TSEN2: variants seen among roughly 807,000 people sequenced by gnomAD.
TSEN2 encodes tRNA-splicing endonuclease subunit Sen2.
In TSEN2, 54 loss-of-function variants were observed where a neutral mutation model predicts 59.2. The ratio of observed to expected loss-of-function variants is 0.91; its 90% CI spans 0.73 to 1.14. The LOEUF is 1.14. Among genes scored for constraint, TSEN2 ranks in the 50% most tolerant of loss-of-function variants. The pLI, the probability that TSEN2 is intolerant of heterozygous loss-of-function variation, is 0.00. For synonymous variants in TSEN2, 195 were observed against 198.2 expected, an observed-to-expected ratio of 0.98 and a Z score of 0.14; for missense variants, 636 against 576.2, an observed-to-expected ratio of 1.10 and a Z score of -1.06.
intron 4 of TSEN2, among the ~76,000 whole-genome samples, chr3:12,498,406 G>A (rs188162214): frequency 2.0e-5 from 3 of 152,196 alleles, no homozygotes; most frequent in Admixed American, 1.3e-4. Flanking sequence ...CTTCCTCAGC[G>A]CTCTTGATAT....
intron 8 of TSEN2, among the ~76,000 whole-genome samples, chr3:12,526,562 G>A (rs557633416): frequency 8.5e-5 from 13 of 152,290 alleles, no homozygotes; most frequent in African/African-American, 2.6e-4. Context: ...ACACAACAAC[G>A]AAATTGCCTA....
chr3:12,533,254 G>A lies in TSEN2; in HGVS notation c.*533G>A, dbSNP rs1267672235. 5 of 156,422 alleles carry A rather than the reference G, an allele frequency of 3.2e-5. No homozygotes were observed. Among genetic ancestry groups the A allele is most frequent in the African/African-American group, 1.2e-4 (5 of 41,478 alleles). The allele number at this position is 156,422 out of a possible 1,614,324, so 9.7% of individuals were successfully genotyped here. The stretch of plus-strand genomic sequence containing the variant: ...AATGAGTGGTGAAATAATGTTTGGA[G>A]ACATAATGAAAGCGATTAACATTTG... On this transcript the variant is annotated 3_prime_UTR_variant, in exon 12 of 12. Transcript: ENST00000284995.
chr3:12,529,830 A>C lies in TSEN2; in HGVS notation c.1205A>C (p.Lys402Thr), dbSNP rs1416745637. 2 of 1,614,184 alleles carry C rather than the reference A, an allele frequency of 1.2e-6. No individual in the cohort carries two copies. Among genetic ancestry groups the C allele is most frequent in the East Asian group, 2.2e-5 (1 of 44,880 alleles). ...TCTCTCCGCAGGCCTCTCAGTTGGAAGTCCCTGGCTGCCTTGAGCAGAGTT... is the reference window on the plus strand; with the variant it reads ...TCTCTCCGCAGGCCTCTCAGTTGGACGTCCCTGGCTGCCTTGAGCAGAGTT... ...EGSLRRPLSW[K>T]SLAALSRVSV... Residue 402 changes from lysine (K) to threonine (T), a missense_variant, in exon 10 of 12, where the codon AAG (lysine) becomes ACG (threonine). By Grantham distance (78) the Lys-to-Thr change is moderately conservative. Transcript: ENST00000284995.
Position 12,519,115 on chromosome 3 carries a change from C to T in TSEN2, c.1017C>T (p.Phe339=). ...WKAFTVVQPT[F]RTTYMAYHYF... ...CTTTCACTGTAGTTCAGCCCACGTTCAGAACCACCTACATGGCCTACCATT... is the reference window on the plus strand; with the variant it reads ...CTTTCACTGTAGTTCAGCCCACGTTTAGAACCACCTACATGGCCTACCATT... Residue 339 remains phenylalanine, a synonymous_variant, in exon 8 of 12, where the codon TTC becomes TTT. Transcript: ENST00000284995. The T allele has an allele frequency of 2.5e-6, 4 of 1,614,220 alleles. No homozygotes were observed. Among genetic ancestry groups the T allele is most frequent in the Non-Finnish European group, 3.4e-6 (4 of 1,180,044 alleles).
At chr3:12,537,718 G>A (rs1472679432), downstream of TSEN2, among the ~76,000 whole-genome samples, 1 of 152,130 alleles carries the variant, frequency 6.6e-6, no homozygotes, top group Non-Finnish European at 1.5e-5. Context: ...CCCCAGTTTT[G>A]CCACTGTATG....
rs1559303662 is a variant in TSEN2 at position 12,503,247 on chromosome 3, A to AT, written c.309-12dup. The stretch of plus-strand genomic sequence containing the variant: ...AAATTCGAGTGCTGTTTCTAACAGT[A>AT]TTTCTGTCTTGCAGGTATCAGCATA... On this transcript the variant is annotated splice_polypyrimidine_tract_variant and intron_variant, in intron 4 of 11. Coordinates refer to ENST00000284995, the MANE Select transcript of TSEN2 (RefSeq NM_025265.4). 6.2e-7 allele frequency: 1 copy of AT among 1,614,104 alleles called. No individual in the cohort carries two copies. Among genetic ancestry groups the AT allele is most frequent in the East Asian group, 2.2e-5 (1 of 44,882 alleles).
chr3:12,536,846 AC>A (rs1487489083), downstream of TSEN2, among the ~76,000 whole-genome samples: 2 of 152,060 alleles, frequency 1.3e-5, no homozygotes, highest in African/African-American at 4.8e-5. Flanking sequence ...TACTAAAAAT[AC>A]AAAAAATTAG....
chr3:12,489,119 A>G (rs2052951073), intron 1 of TSEN2, among the ~76,000 whole-genome samples: 2 of 152,196 alleles, frequency 1.3e-5, no homozygotes, highest in East Asian at 1.9e-4. Context: ...TTTGCCCAAA[A>G]TCACACTGCT....
intron 6 of TSEN2, chr3:12,506,667 C>G (rs1380394541): frequency 1.0e-6 from 1 of 984,638 alleles, no homozygotes; most frequent in African/African-American, 1.8e-5. Context: ...AACCTGTGGT[C>G]ACTTTATGCT....
At chr3:12,496,600 T>G (rs749381594) in intron 4 of TSEN2, 46 bp downstream of exon 4, 7 of 1,606,186 alleles carry the variant, frequency 4.4e-6, no homozygotes, top group Non-Finnish European at 6.0e-6. Flanking sequence ...ATGGTTTAAG[T>G]CAGATGTTTT....
chr3:12,530,783 GT>G (rs1458043990), intron 10 of TSEN2: 2 of 982,844 alleles, frequency 2.0e-6, no homozygotes, highest in Non-Finnish European at 2.4e-6. Context: ...ACTTAACATT[GT>G]TGATATGTTC....
intron 9 of TSEN2, 49 bp from the exon 10 acceptor site, chr3:12,529,713 C>A: frequency 6.5e-7 from 1 of 1,534,544 alleles, no homozygotes; most frequent in East Asian, 2.3e-5. Flanking sequence ...TCTTTTTAAA[C>A]AGATTTATTT....
intron 8 of TSEN2, among the ~76,000 whole-genome samples, chr3:12,523,526 CTTTTT>C (rs546904336): frequency 0.022 from 1,031 of 46,490 alleles, 30 homozygotes; most frequent in African/African-American, 0.072. Flanking sequence ...CTCTTTGATT[CTTTTT>C]TTTTTTTTTT....
rs139623866 is a variant in TSEN2, at chr3:12,532,543, A to G, written c.1339-119A>G. 743 of 895,304 alleles carry G rather than the reference A, an allele frequency of 8.3e-4. 6 individuals are homozygous for G. In the African/African-American group the frequency reaches 0.011, roughly 13 times the overall value. The allele number at this position is 895,304 out of a possible 1,614,324, so 55.5% of individuals were successfully genotyped here. A position where few individuals can be genotyped will look rare whatever the true frequency, so the allele number is the denominator to read the frequency against. Reference sequence around the variant, plus strand: ...CAGATGTTTCTGTTCTAAAGGTGGGAACAGTATCATCATTATATAGACCGC... The same window carrying G: ...CAGATGTTTCTGTTCTAAAGGTGGGGACAGTATCATCATTATATAGACCGC... On this transcript the variant is annotated intron_variant, in intron 11 of 11. Transcript: ENST00000284995.
Position 12,531,585 on chromosome 3 carries a change from T to A in TSEN2, c.1264T>A (p.Tyr422Asn), listed in dbSNP as rs1297825855. 1 of 1,609,980 alleles carries A rather than the reference T, an allele frequency of 6.2e-7. No homozygotes were observed. Among genetic ancestry groups the A allele is most frequent in the Non-Finnish European group, 8.5e-7 (1 of 1,176,202 alleles). ...TTCTCAATAGGAACTTATGCTGTGC[T>A]ATTTGATTAAACCCTCTACTATGAC... is the stretch of plus-strand genomic sequence containing the variant. ...VNVSKELMLC[Y>N]LIKPSTMTDK... Residue 422 changes from tyrosine (Y) to asparagine (N), a missense_variant, in exon 11 of 12, where the codon TAT becomes AAT. Tyr to Asn is a moderately radical substitution (Grantham distance 143, BLOSUM62 -2). Transcript: ENST00000284995.
At position 12,519,141 on chromosome 3, in the gene TSEN2, ACTTTCGAAGCAAGGGCTGGGT is replaced by A; in HGVS notation, c.1044_1064del (p.Tyr348_Val355delinsTer). On this transcript the variant is annotated stop_gained and inframe_deletion, in exon 8 of 12. Coordinates refer to ENST00000284995, the MANE Select transcript of TSEN2 (RefSeq NM_025265.4). LOFTEE classifies it high-confidence loss of function. ...AGAACCACCTACATGGCCTACCATT[ACTTTCGAAGCAAGGGCTGGGT>A]GCCCAAAGTGGGACTCAAGTACGGG... The A allele has an allele frequency of 6.2e-7, 1 of 1,614,230 alleles. No homozygotes were observed.
intron 3 of TSEN2, 81 bp from the exon 4 acceptor site, chr3:12,496,436 AT>A: frequency 6.9e-7 from 1 of 1,455,240 alleles, no homozygotes; most frequent in Admixed American, 1.7e-5. Context: ...GAATCTTAAA[AT>A]TCTCAGTCTT....
chr3:12,524,351 C>A (rs1370989933), intron 8 of TSEN2, among the ~76,000 whole-genome samples: 5 of 152,196 alleles, frequency 3.3e-5, no homozygotes, highest in Non-Finnish European at 7.3e-5. Flanking sequence ...TTCATTCTGT[C>A]ACAGTTCTAG....
Position 12,512,653 on chromosome 3 carries a change from C to A in TSEN2, c.910-3958C>A, listed in dbSNP as rs553391519. On this transcript the variant is annotated intron_variant, in intron 6 of 11. Coordinates refer to ENST00000284995, the MANE Select transcript of TSEN2 (RefSeq NM_025265.4). ...AATACACTTTTTTCCTGGTTAGGCA[C>A]CTACAACTGTATTCCCACATGCCAC... Among the ~76,000 whole-genome samples the A allele has an allele frequency of 2.9e-4, 44 of 152,380 alleles. No individual in the cohort carries two copies. The South Asian group carries it at 7.7e-3, about 27-fold the overall frequency.
Sources: gnomAD v4.1 joint callset for allele counts (sites outside exome capture counted in the v4.1 genomes callset) on GRCh38, gnomAD v4.1.1 for gene constraint, MANE v1.5 for transcripts, NCBI Gene and HGNC (gene_info 2026-07-23, HGNC 2026-07-21) for gene names.